The following SLC9A7 variants were observed in gnomAD, a reference collection of about 807,000 sequenced individuals.
SLC9A7 encodes solute carrier family 9 member A7, also known as sodium/hydrogen exchanger 7.
A neutral mutation model predicts 52.6 loss-of-function variants in SLC9A7; 19 were observed. That is an observed-to-expected ratio of 0.36 (90% CI 0.25 to 0.53). The LOEUF is 0.53. SLC9A7 is among the 20% of genes least tolerant of loss of function. SLC9A7 has a pLI of 0.91. For synonymous variants in SLC9A7, 226 were observed against 252.1 expected, an observed-to-expected ratio of 0.90 and a Z score of 0.98; for missense variants, 455 against 597.9, an observed-to-expected ratio of 0.76 and a Z score of 2.49.
At chrX:46,669,783 C>CT (rs1462434737) in intron 4 of SLC9A7, 64 bp from the exon 5 acceptor site, 3 of 511,661 alleles carry the variant, frequency 5.9e-6, no homozygotes, top group Non-Finnish European at 9.7e-6. Flanking sequence ...AACACGCAAG[C>CT]AGAATAGCAC....
chrX:46,654,028 C>A (rs955130503), intron 7 of SLC9A7, among the ~76,000 whole-genome samples: 1 of 110,754 alleles, frequency 9.0e-6, no homozygotes, highest in African/African-American at 3.3e-5. Context: ...ATTGTGAATG[C>A]GGAATTGTGC....
chrX:46,607,947 G>A (rs1479367161), intron 16 of SLC9A7, among the ~76,000 whole-genome samples: 5 of 112,505 alleles, frequency 4.4e-5, no homozygotes, highest in Non-Finnish European at 9.4e-5. Context: ...TGAGTACTGT[G>A]CACTGCCTTC....
intron 1 of SLC9A7, among the ~76,000 whole-genome samples, chrX:46,713,655 A>G (rs1370036670): frequency 9.0e-6 from 1 of 110,547 alleles, no homozygotes; most frequent in Non-Finnish European, 1.9e-5. Context: ...GGTTCATGTC[A>G]ACATGCAGGT....
intron 3 of SLC9A7, among the ~76,000 whole-genome samples, chrX:46,678,412 T>TTGTTTTTATTTATTTA (rs1556148044): frequency 1.1e-5 from 1 of 91,013 alleles, no homozygotes; most frequent in Admixed American, 1.3e-4. Context: ...TGGCATTTGT[T>TTGTTTTTATTTATTTA]TTTATTTATT....
intron 1 of SLC9A7, among the ~76,000 whole-genome samples, chrX:46,741,908 C>T (rs777586079): frequency 1.6e-4 from 18 of 109,884 alleles, no homozygotes; most frequent in African/African-American, 5.6e-4. Context: ...TGAAGTACTT[C>T]CATCAAAGTA....
intron 7 of SLC9A7, among the ~76,000 whole-genome samples, chrX:46,661,500 G>A (rs1943821413): frequency 8.9e-6 from 1 of 111,828 alleles, no homozygotes; most frequent in African/African-American, 3.3e-5. Flanking sequence ...ATATGATGCA[G>A]GACTCACCAC....
intron 7 of SLC9A7, among the ~76,000 whole-genome samples, chrX:46,656,766 A>G (rs1405781264): frequency 9.0e-6 from 1 of 111,101 alleles, no homozygotes; most frequent in Non-Finnish European, 1.9e-5. Flanking sequence ...TGAAAGTGAC[A>G]GGGAGAATGG....
intron 7 of SLC9A7, among the ~76,000 whole-genome samples, chrX:46,661,513 C>T (rs1943821548): frequency 8.9e-6 from 1 of 111,903 alleles, no homozygotes; most frequent in African/African-American, 3.2e-5. Flanking sequence ...CTCACCACAT[C>T]TGTGGAAGGG....
chrX:46,702,186 T>C (rs1002105912), intron 1 of SLC9A7, among the ~76,000 whole-genome samples: 2 of 112,152 alleles, frequency 1.8e-5, no homozygotes, highest in African/African-American at 6.5e-5. Context: ...TTTCAGCATA[T>C]GGATACATTT....
intron 13 of SLC9A7, among the ~76,000 whole-genome samples, chrX:46,633,144 A>G (rs1454867395): frequency 3.7e-5 from 4 of 107,562 alleles, no homozygotes; most frequent in East Asian, 5.8e-4. Flanking sequence ...GCCACTTGAT[A>G]TCAACCAAGT....
chrX:46,686,015 C>T (rs999885763), intron 1 of SLC9A7, among the ~76,000 whole-genome samples: 53 of 112,188 alleles, frequency 4.7e-4, no homozygotes, highest in African/African-American at 1.7e-3. Context: ...CTCATGAATA[C>T]TACTCTAACA....
intron 1 of SLC9A7, chrX:46,725,513 G>C: frequency 4.1e-6 from 4 of 971,223 alleles, no homozygotes; most frequent in African/African-American, 1.9e-5. Flanking sequence ...CCGTGGTCTT[G>C]GTGTCCTTCA....
intron 1 of SLC9A7, among the ~76,000 whole-genome samples, chrX:46,696,256 G>A (rs1434830852): frequency 9.0e-6 from 1 of 111,006 alleles, no homozygotes; most frequent in Non-Finnish European, 1.9e-5. Context: ...AAAGTGCTGG[G>A]ATTACAGACG....
chrX:46,603,957 A>G lies in SLC9A7; in HGVS notation c.*2995T>C, dbSNP rs1283661874. ...AGTTTTTTCCCTCCAAAATTAAGTA[A>G]GCAATATAAGATAAGCAAAGCTTTA... On this transcript the variant is annotated 3_prime_UTR_variant, in exon 17 of 17. Coordinates refer to ENST00000616978, the MANE Select transcript of SLC9A7 (RefSeq NM_001257291.2). 1 of 112,703 alleles carries G rather than the reference A, an allele frequency of 8.9e-6. No individual in the cohort carries two copies. The allele number at this position is 112,703 out of a possible 1,213,427, so 9.3% of individuals were successfully genotyped here. A position where few individuals can be genotyped will look rare whatever the true frequency, so the allele number is the denominator to read the frequency against.
chrX:46,733,215 G>A (rs1344110780), intron 1 of SLC9A7, among the ~76,000 whole-genome samples: 1 of 111,137 alleles, frequency 9.0e-6, no homozygotes, highest in Non-Finnish European at 1.9e-5. Flanking sequence ...TAAAATATTG[G>A]CAAAAAAGAC....
At position 46,710,826 on chromosome X, in the gene SLC9A7, C is replaced by G. The variant is rs1431286693; in HGVS notation, c.326-28291G>C. On this transcript the variant is annotated intron_variant, in intron 1 of 16. Coordinates refer to ENST00000616978, the MANE Select transcript of SLC9A7 (RefSeq NM_001257291.2). ...ATAACCAATTGCCTCTGTTCTTCCTCTGTCCTTTCTAAGCAACTTTCTGAT... is the reference window on the plus strand; with the variant it reads ...ATAACCAATTGCCTCTGTTCTTCCTGTGTCCTTTCTAAGCAACTTTCTGAT... Among the ~76,000 whole-genome samples the G allele has an allele frequency of 2.0e-4, 21 of 105,629 alleles. 1 individual carries two copies. Among genetic ancestry groups the G allele is most frequent in the Admixed American group, 1.9e-3 (19 of 9,928 alleles). The allele number at this position is 105,629 out of a possible 115,157, so 91.7% of individuals were successfully genotyped here.
chrX:46,733,795 C>T (rs760548967), intron 1 of SLC9A7, among the ~76,000 whole-genome samples: 4 of 110,885 alleles, frequency 3.6e-5, no homozygotes, highest in Admixed American at 9.6e-5. Flanking sequence ...AGTACTATCT[C>T]TCCCACACAC....
intron 1 of SLC9A7, among the ~76,000 whole-genome samples, chrX:46,733,455 G>A (rs1945074144): frequency 1.8e-5 from 2 of 111,669 alleles, no homozygotes; most frequent in Non-Finnish European, 3.8e-5. Flanking sequence ...GTAAAAATAT[G>A]AGTAACTATA....
At chrX:46,707,129 T>C (rs1207061322) in intron 1 of SLC9A7, among the ~76,000 whole-genome samples, 1 of 111,938 alleles carries the variant, frequency 8.9e-6, no homozygotes, top group Non-Finnish European at 1.9e-5. Flanking sequence ...ACTGCAAGGA[T>C]AGTCATTCTA....
Sources: allele counts gnomAD v4.1 joint callset (sites outside exome capture counted in the v4.1 genomes callset), GRCh38; gene constraint gnomAD v4.1.1; transcripts MANE v1.5; gene names NCBI Gene and HGNC (gene_info 2026-07-23, HGNC 2026-07-21).